Variants in CCBE1 observed in about 807,000 individuals in gnomAD.
CCBE1 encodes collagen and calcium binding EGF domains 1, also known as collagen and calcium-binding EGF domain-containing protein 1.
Under a neutral mutation model 50.0 loss-of-function variants are expected in CCBE1, and 37 were observed. The ratio of observed to expected loss-of-function variants is 0.74; its 90% CI spans 0.57 to 0.97. CCBE1 has a LOEUF of 0.97. Ranked by LOEUF, CCBE1 falls within the 50% of genes least tolerant of loss-of-function variation. CCBE1 has a pLI of 0.00. For synonymous variants in CCBE1, 234 were observed against 203.7 expected, an observed-to-expected ratio of 1.15 and a Z score of -1.27; for missense variants, 538 against 523.8, an observed-to-expected ratio of 1.03 and a Z score of -0.26.
At chr18:59,593,353 T>C (rs2331643) in intron 2 of CCBE1, among the ~76,000 whole-genome samples, 53,309 of 152,068 alleles carry the variant, frequency 0.35, 9,836 homozygotes, top group East Asian at 0.65. Context: ...CATTAGATGA[T>C]GTGTGATCAG....
chr18:59,475,665 C>A (rs1419372511), intron 3 of CCBE1, among the ~76,000 whole-genome samples: 1 of 152,136 alleles, frequency 6.6e-6, no homozygotes, highest in Admixed American at 6.5e-5. Context: ...ACCCTCTCAC[C>A]GCCCATGGGA....
At position 59,665,408 on chromosome 18, in the gene CCBE1, G is replaced by T. The variant is rs369546899; in HGVS notation, c.212+31221C>A. Reference sequence around the variant, plus strand: ...GAATTGTGGTAGAAGGAATCCACAGGAATTTTTTATCCCATTTAAAAATAA... The same window carrying T: ...GAATTGTGGTAGAAGGAATCCACAGTAATTTTTTATCCCATTTAAAAATAA... On this transcript the variant is annotated intron_variant, in intron 2 of 10. Coordinates refer to ENST00000439986, the MANE Select transcript of CCBE1 (RefSeq NM_133459.4). 4.6e-5 allele frequency among the ~76,000 whole-genome samples: 7 copies of T among 152,164 alleles called. No individual in the cohort carries two copies. The East Asian group carries it at 5.8e-4, about 13-fold the overall frequency.
chr18:59,549,631 G>A (rs1915840952), intron 2 of CCBE1, among the ~76,000 whole-genome samples: 1 of 152,184 alleles, frequency 6.6e-6, no homozygotes, highest in Non-Finnish European at 1.5e-5. Context: ...TCAGGAGGGA[G>A]ATGCCAGAAC....
intron 2 of CCBE1, among the ~76,000 whole-genome samples, chr18:59,670,158 T>C (rs1485359500): frequency 2.5e-5 from 3 of 118,892 alleles, no homozygotes; most frequent in Non-Finnish European, 5.8e-5. Flanking sequence ...GAGAAGCATG[T>C]GCCTTATTAC....
chr18:59,687,601 A>G (rs1023556273), intron 2 of CCBE1, among the ~76,000 whole-genome samples: 1 of 152,182 alleles, frequency 6.6e-6, no homozygotes, highest in African/African-American at 2.4e-5. Context: ...TGTTAAAGCC[A>G]TCACTATTTA....
intron 2 of CCBE1, among the ~76,000 whole-genome samples, chr18:59,560,410 G>A (rs574110013): frequency 2.0e-5 from 3 of 152,216 alleles, no homozygotes; most frequent in African/African-American, 4.8e-5. Flanking sequence ...AAGAACACAC[G>A]GACACAGGAA....
chr18:59,669,034 A>G (rs1246861194), intron 2 of CCBE1, among the ~76,000 whole-genome samples: 1 of 151,826 alleles, frequency 6.6e-6, no homozygotes, highest in Non-Finnish European at 1.5e-5. Context: ...GGGTTTTACT[A>G]TGTTGGCCAG....
chr18:59,439,509 C>G, intron 9 of CCBE1, 34 bp downstream of exon 9: 1 of 1,613,474 alleles, frequency 6.2e-7, no homozygotes, highest in South Asian at 1.1e-5. Context: ...AAGTGAGAGA[C>G]CTTTAGCTTG....
intron 2 of CCBE1, among the ~76,000 whole-genome samples, chr18:59,636,308 T>C (rs2053915642): frequency 6.6e-6 from 1 of 152,160 alleles, no homozygotes; most frequent in Non-Finnish European, 1.5e-5. Context: ...GCACTTAGGA[T>C]AAAGAGTCAT....
At position 59,447,967 on chromosome 18, in the gene CCBE1, C is replaced by G. The variant is rs1568144088; in HGVS notation, c.775+16G>C. On this transcript the variant is annotated intron_variant, in intron 7 of 10. Coordinates refer to ENST00000439986, the MANE Select transcript of CCBE1 (RefSeq NM_133459.4). ...TCTGTTGGTGATCACCCTCCTGTGC[C>G]CTCTTCCACACTCACCGGGAGGGCC... The G allele has an allele frequency of 6.2e-7, 1 of 1,613,976 alleles. No homozygotes were observed. Among genetic ancestry groups the G allele is most frequent in the East Asian group, 2.2e-5 (1 of 44,868 alleles).
intron 2 of CCBE1, among the ~76,000 whole-genome samples, chr18:59,594,456 G>T (rs2053320738): frequency 2.6e-5 from 4 of 152,220 alleles, no homozygotes; most frequent in Non-Finnish European, 4.4e-5. Flanking sequence ...AACTCAAAGT[G>T]TACTGGAGAT....
At chr18:59,452,342 C>T (rs1376045780) in intron 6 of CCBE1, among the ~76,000 whole-genome samples, 2 of 152,186 alleles carry the variant, frequency 1.3e-5, no homozygotes, top group Non-Finnish European at 2.9e-5. Flanking sequence ...CCTGTAATCC[C>T]AGGCCTTTGG....
At chr18:59,531,226 T>C (rs1055510706) in intron 2 of CCBE1, among the ~76,000 whole-genome samples, 3 of 151,694 alleles carry the variant, frequency 2.0e-5, no homozygotes, top group Non-Finnish European at 2.9e-5. Context: ...ACTCCCAACA[T>C]TGAGAAGAAA....
At position 59,666,375 on chromosome 18, in the gene CCBE1, TC is replaced by T. The variant is rs1198649594; in HGVS notation, c.212+30253del. On this transcript the variant is annotated intron_variant, in intron 2 of 10. Transcript: ENST00000439986. The stretch of plus-strand genomic sequence containing the variant: ...CAAACCATATCAGACTCCAATCCTG[TC>T]ACAGCTGGCAAAAGCACTGACACTT... 3.3e-5 allele frequency among the ~76,000 whole-genome samples: 5 copies of T among 152,274 alleles called. No individual in the cohort carries two copies. The East Asian group carries it at 9.7e-4, about 29-fold the overall frequency.
intron 2 of CCBE1, among the ~76,000 whole-genome samples, chr18:59,641,677 G>A (rs2053992766): frequency 6.6e-6 from 1 of 152,092 alleles, no homozygotes; most frequent in Admixed American, 6.5e-5. Context: ...TTCTACCAAA[G>A]ATACATAAAC....
intron 2 of CCBE1, among the ~76,000 whole-genome samples, chr18:59,580,558 G>A (rs2053068955): frequency 6.6e-6 from 1 of 152,264 alleles, no homozygotes; most frequent in East Asian, 1.9e-4. Context: ...GATCAGAATC[G>A]AAGGTCTCAG....
At chr18:59,459,632 A>G (rs975517369) in intron 5 of CCBE1, among the ~76,000 whole-genome samples, 1 of 152,232 alleles carries the variant, frequency 6.6e-6, no homozygotes, top group African/African-American at 2.4e-5. Flanking sequence ...AATGCCTTAG[A>G]TATCTTAGAA....
chr18:59,687,193 G>T lies in CCBE1; in HGVS notation c.212+9436C>A, dbSNP rs558442649. On this transcript the variant is annotated intron_variant, in intron 2 of 10. Transcript: ENST00000439986. ...CAGTCACAGAAAAAGCCACAGTGTGGTCTGTGCTGGCTTACAGATGCCCTC... is the reference window on the plus strand; with the variant it reads ...CAGTCACAGAAAAAGCCACAGTGTGTTCTGTGCTGGCTTACAGATGCCCTC... Among the ~76,000 whole-genome samples the T allele has an allele frequency of 3.9e-5, 6 of 152,332 alleles. No individual in the cohort carries two copies. The South Asian group carries it at 1.2e-3, about 32-fold the overall frequency.
chr18:59,594,753 T>C (rs1393321338), intron 2 of CCBE1, among the ~76,000 whole-genome samples: 3 of 152,020 alleles, frequency 2.0e-5, no homozygotes, highest in African/African-American at 7.2e-5. Flanking sequence ...CTGCACCCTA[T>C]GAGTAGGGAT....
Sources: allele counts gnomAD v4.1 joint callset (sites outside exome capture counted in the v4.1 genomes callset), GRCh38; gene constraint gnomAD v4.1.1; transcripts MANE v1.5; gene names NCBI Gene and HGNC (gene_info 2026-07-23, HGNC 2026-07-21).